DLGAP2: variants seen among roughly 807,000 people sequenced by gnomAD.
The protein encoded by DLGAP2 is disks large-associated protein 2.
Under a neutral mutation model 100.3 loss-of-function variants are expected in DLGAP2, and 26 were observed. That is an observed-to-expected ratio of 0.26 (90% CI 0.19 to 0.36). The LOEUF (loss-of-function observed/expected upper bound fraction) is 0.36, where lower values mean the gene tolerates loss of function less well. Ranked by LOEUF, DLGAP2 falls within the 10% of genes least tolerant of loss-of-function variation. DLGAP2 has a pLI of 1.00. For missense variants in DLGAP2, 1,858 were observed against 1,453.2 expected (o/e 1.28, Z -4.53); for synonymous variants, 886 against 630.1 (o/e 1.41, Z -6.08).
In DLGAP2 at chr8:885,594, C is replaced by T. The variant is rs188007837; in HGVS notation, c.19-22318C>T. On this transcript the variant is annotated intron_variant, in intron 1 of 14. Coordinates refer to ENST00000637795, the MANE Select transcript of DLGAP2 (RefSeq NM_001346810.2). ...CAGAGATAACTTGACTTCCTCTCTTCCTACTTGAATACCCTTTATTTCTTT... is the reference window on the plus strand; with the variant it reads ...CAGAGATAACTTGACTTCCTCTCTTTCTACTTGAATACCCTTTATTTCTTT... Among the ~76,000 whole-genome samples, 118 of 152,284 alleles carry T rather than the reference C, an allele frequency of 7.7e-4. 1 individual carries two copies. The highest frequency in any genetic ancestry group is 2.8e-3 in the African/African-American group (115 of 41,552).
At chr8:892,390 G>T (rs537331524) in intron 1 of DLGAP2, among the ~76,000 whole-genome samples, 2 of 152,170 alleles carry the variant, frequency 1.3e-5, no homozygotes. Flanking sequence ...AAATCCCGAC[G>T]AGGCTATGGG....
chr8:1,624,911 GA>G (rs1396519639), intron 6 of DLGAP2, among the ~76,000 whole-genome samples: 1 of 151,430 alleles, frequency 6.6e-6, no homozygotes, highest in African/African-American at 2.4e-5. Context: ...CTAAGTCAGG[GA>G]GGGGAAGGTA....
At chr8:795,547 C>A (rs192852938) in intron 1 of DLGAP2, among the ~76,000 whole-genome samples, 1 of 152,208 alleles carries the variant, frequency 6.6e-6, no homozygotes, top group Admixed American at 6.5e-5. Context: ...GACATAAGGC[C>A]GCATGTTGCC....
At chr8:1,303,420 A>G (rs7460129) in intron 3 of DLGAP2, among the ~76,000 whole-genome samples, 87,453 of 146,632 alleles carry the variant, frequency 0.6, 26,968 homozygotes, top group African/African-American at 0.71. Flanking sequence ...AAAAAAAAAA[A>G]AAAAAAAGGA....
At chr8:1,677,192 A>T (rs1798831111) in intron 11 of DLGAP2, among the ~76,000 whole-genome samples, 1 of 152,222 alleles carries the variant, frequency 6.6e-6, no homozygotes, top group Non-Finnish European at 1.5e-5. Flanking sequence ...CCAATGTGTG[A>T]CAGGGACAGT....
intron 6 of DLGAP2, among the ~76,000 whole-genome samples, chr8:1,573,603 G>A (rs997607924): frequency 1.5e-4 from 21 of 139,600 alleles, no homozygotes; most frequent in African/African-American, 5.0e-4. Context: ...TCGTTTATTC[G>A]GGAAGTATGC....
At chr8:1,260,077 G>T (rs937010354) in intron 3 of DLGAP2, among the ~76,000 whole-genome samples, 48 of 152,272 alleles carry the variant, frequency 3.2e-4, no homozygotes, top group African/African-American at 9.6e-4. Context: ...GCTGTTCCCG[G>T]GTGGAGCCTG....
At chr8:1,195,872 T>G (rs1389876058) in intron 2 of DLGAP2, among the ~76,000 whole-genome samples, 1 of 152,218 alleles carries the variant, frequency 6.6e-6, no homozygotes, top group Non-Finnish European at 1.5e-5. Flanking sequence ...ATGAGGGTCA[T>G]TTTTCTTAAC....
intron 2 of DLGAP2, among the ~76,000 whole-genome samples, chr8:1,158,136 G>A (rs952740765): frequency 1.3e-5 from 2 of 152,180 alleles, no homozygotes; most frequent in Non-Finnish European, 2.9e-5. Flanking sequence ...CGTATTTACA[G>A]CTATTAATCT....
At chr8:1,479,350 G>A (rs543067607) in intron 3 of DLGAP2, among the ~76,000 whole-genome samples, 1 of 152,330 alleles carries the variant, frequency 6.6e-6, no homozygotes, top group African/African-American at 2.4e-5. Context: ...CATCCCTCAG[G>A]CACTCTGGGG....
At chr8:1,616,068 G>C (rs1465432307) in intron 6 of DLGAP2, among the ~76,000 whole-genome samples, 1 of 152,148 alleles carries the variant, frequency 6.6e-6, no homozygotes. Flanking sequence ...ATGAGAAAGA[G>C]ACAAATTGAA....
At position 1,446,766 on chromosome 8, in the gene DLGAP2, A is replaced by C. The variant is rs549067127; in HGVS notation, c.107-54600A>C. 5.3e-5 allele frequency among the ~76,000 whole-genome samples: 8 copies of C among 152,192 alleles called. No individual in the cohort carries two copies. The South Asian group carries it at 6.2e-4, about 12-fold the overall frequency. On this transcript the variant is annotated intron_variant, in intron 3 of 14. Transcript: ENST00000637795. ...ATTTCTTTGTATCCTCTTTTATTTC[A>C]TTGAGCAGTGGTTTTTAGTTCTCAT...
intron 3 of DLGAP2, among the ~76,000 whole-genome samples, chr8:1,391,083 C>G (rs1796340566): frequency 6.6e-6 from 1 of 152,146 alleles, no homozygotes; most frequent in Non-Finnish European, 1.5e-5. Flanking sequence ...TGGACTAAGT[C>G]AGAAGAAAGA....
rs573851087 is a variant in DLGAP2, at chr8:1,325,771, C to T, written c.106+66888C>T. On this transcript the variant is annotated intron_variant, in intron 3 of 14. Coordinates refer to ENST00000637795, the MANE Select transcript of DLGAP2 (RefSeq NM_001346810.2). ...CAGACTCAGGTCTGTTTTCCTGAGA[C>T]GGGTGAAATGTTAATTTACTGTATC... Among the ~76,000 whole-genome samples the T allele has an allele frequency of 9.9e-5, 15 of 152,158 alleles. No individual in the cohort carries two copies. In the South Asian group the frequency reaches 2.5e-3, roughly 25 times the overall value.
chr8:1,160,643 C>T lies in DLGAP2; in HGVS notation c.74-98208C>T, dbSNP rs374009503. Among the ~76,000 whole-genome samples, 4 of 152,290 alleles carry T rather than the reference C, an allele frequency of 2.6e-5. No homozygotes were observed. The East Asian group carries it at 7.7e-4, about 29-fold the overall frequency. On this transcript the variant is annotated intron_variant, in intron 2 of 14. Transcript: ENST00000637795. ...GAGATGGCTGCTCTCCGCTGGGCCC[C>T]ATTCGTTTTTACTTAAATGTGTGTG...
At chr8:1,350,456 T>A in intron 3 of DLGAP2, among the ~76,000 whole-genome samples, 2 of 76,968 alleles carry the variant, frequency 2.6e-5, no homozygotes, top group South Asian at 6.7e-4. Flanking sequence ...GGAAAGGCCG[T>A]GCGGGTCCTG....
At chr8:1,081,045 A>G (rs894094180) in intron 2 of DLGAP2, among the ~76,000 whole-genome samples, 1 of 152,212 alleles carries the variant, frequency 6.6e-6, no homozygotes. Flanking sequence ...TTAAAATAAG[A>G]TTTTATTGAG....
rs542459252 is a variant in DLGAP2, at chr8:1,492,458, A to G, written c.107-8908A>G. 6.6e-5 allele frequency among the ~76,000 whole-genome samples: 10 copies of G among 152,366 alleles called. No individual in the cohort carries two copies. In the South Asian group the frequency reaches 1.2e-3, roughly 19 times the overall value. On this transcript the variant is annotated intron_variant, in intron 3 of 14. Transcript: ENST00000637795. ...GAAATGGGGCAAGCTCAGATGGCTG[A>G]ACTCTGCACTGACTCTCAGAGGGCT...
At position 840,782 on chromosome 8, in the gene DLGAP2, C is replaced by T. The variant is rs183984624; in HGVS notation, c.19-67130C>T. 4.9e-3 allele frequency among the ~76,000 whole-genome samples: 750 copies of T among 152,172 alleles called. 2 individuals are homozygous for T. Among genetic ancestry groups the T allele is most frequent in the Non-Finnish European group, 7.3e-3 (496 of 67,986 alleles). ...TCTGGATTCTGCGAGCGCGTCTACA[C>T]GGTACATGCCTGCACGTCTCCCCAC... On this transcript the variant is annotated intron_variant, in intron 1 of 14. Transcript: ENST00000637795.
Sources: gnomAD v4.1 joint callset for allele counts (sites outside exome capture counted in the v4.1 genomes callset) on GRCh38, gnomAD v4.1.1 for gene constraint, MANE v1.5 for transcripts, NCBI Gene and HGNC (gene_info 2026-07-23, HGNC 2026-07-21) for gene names.